Variants in CDH1 observed in about 807,000 individuals in gnomAD.
The protein encoded by CDH1 is cadherin 1.
A neutral mutation model predicts 84.5 loss-of-function variants in CDH1; 35 were observed. The ratio of observed to expected loss-of-function variants is 0.41; its 90% CI spans 0.32 to 0.55. The LOEUF is 0.55. Ranked by LOEUF, CDH1 falls within the 20% of genes least tolerant of loss-of-function variation. The probability of loss-of-function intolerance (pLI) is 0.19; values close to 1 mark genes in which losing one functional copy is unlikely to be tolerated. For synonymous variants in CDH1, 417 were observed against 439.0 expected, an observed-to-expected ratio of 0.95 and a Z score of 0.63; for missense variants, 994 against 1,126.6, an observed-to-expected ratio of 0.88 and a Z score of 1.68.
At chr16:68,772,807 G>T (rs553635901) in intron 2 of CDH1, among the ~76,000 whole-genome samples, 6 of 152,130 alleles carry the variant, frequency 3.9e-5, no homozygotes, top group African/African-American at 1.2e-4. Flanking sequence ...TTACCTGGGG[G>T]TCCCAGCTAC....
intron 9 of CDH1, among the ~76,000 whole-genome samples, chr16:68,814,992 A>G (rs1233983206): frequency 1.3e-5 from 2 of 151,638 alleles, no homozygotes; most frequent in Admixed American, 6.6e-5. Flanking sequence ...TTGGGAGGCC[A>G]AGGCGGGTGG....
chr16:68,794,470 A>G (rs1303529335), intron 2 of CDH1, among the ~76,000 whole-genome samples: 1 of 152,132 alleles, frequency 6.6e-6, no homozygotes, highest in Non-Finnish European at 1.5e-5. Flanking sequence ...CTGGAGGCCT[A>G]ATTGTTCTTT....
At chr16:68,802,470 TTCTC>T (rs988972205) in intron 3 of CDH1, among the ~76,000 whole-genome samples, 1 of 151,844 alleles carries the variant, frequency 6.6e-6, no homozygotes, top group Admixed American at 6.6e-5. Context: ...AGCTGGATTC[TTCTC>T]TCTCTCTCTC....
intron 2 of CDH1, among the ~76,000 whole-genome samples, chr16:68,796,791 T>C (rs1960373931): frequency 6.6e-6 from 1 of 152,166 alleles, no homozygotes; most frequent in Non-Finnish European, 1.5e-5. Flanking sequence ...ATTCTAATTG[T>C]AACAGGCCAA....
intron 2 of CDH1, among the ~76,000 whole-genome samples, chr16:68,785,917 A>G (rs1597873690): frequency 6.6e-6 from 1 of 152,218 alleles, no homozygotes; most frequent in Non-Finnish European, 1.5e-5. Flanking sequence ...CCAGTTTCAC[A>G]TCGGAAAATG....
In CDH1 at chr16:68,808,204, C is replaced by T. The variant is rs78832677; in HGVS notation, c.388-220C>T. Among the ~76,000 whole-genome samples, 717 of 152,276 alleles carry T rather than the reference C, an allele frequency of 4.7e-3. 5 individuals are homozygous for T. Among genetic ancestry groups the T allele is most frequent in the African/African-American group, 0.016 (649 of 41,560 alleles). ...CACTAAGAAGGATAAAAAGAGAATG[C>T]AGTCTTTACGATATAGCAAAGGGTC... On this transcript the variant is annotated intron_variant, in intron 3 of 15. Coordinates refer to ENST00000261769, the MANE Select transcript of CDH1 (RefSeq NM_004360.5).
intron 13 of CDH1, among the ~76,000 whole-genome samples, chr16:68,827,805 G>C (rs1961360644): frequency 6.6e-6 from 1 of 152,024 alleles, no homozygotes; most frequent in Non-Finnish European, 1.5e-5. Context: ...AGCCATGCTG[G>C]CCTCCTCACC....
At chr16:68,746,910 T>C (rs1962759877) in intron 2 of CDH1, among the ~76,000 whole-genome samples, 1 of 151,252 alleles carries the variant, frequency 6.6e-6, no homozygotes, top group African/African-American at 2.4e-5. Context: ...GATTGTGCCA[T>C]TGCACTCTAG....
At position 68,737,399 on chromosome 16, in the gene CDH1, G is replaced by T; in HGVS notation, c.-17G>T. 1.3e-6 allele frequency: 2 copies of T among 1,530,042 alleles called. No homozygotes were observed. Among genetic ancestry groups the T allele is most frequent in the Non-Finnish European group, 1.7e-6 (2 of 1,144,624 alleles). 94.8% of individuals were successfully genotyped at this position (1,530,042 alleles called of 1,614,324 possible). A position where few individuals can be genotyped will look rare whatever the true frequency, so the allele number is the denominator to read the frequency against. On this transcript the variant is annotated 5_prime_UTR_variant, in exon 1 of 16. Transcript: ENST00000261769. ...CCGCACCCGGCGCCTGCCCTCGCTC[G>T]GCGTCCCCGGCCAGCCATGGGCCCT...
At chr16:68,788,738 C>T (rs1597875847) in intron 2 of CDH1, among the ~76,000 whole-genome samples, 1 of 152,086 alleles carries the variant, frequency 6.6e-6, no homozygotes, top group Non-Finnish European at 1.5e-5. Context: ...GTGGCTCACG[C>T]CTGTAATCTC....
At chr16:68,741,494 T>C (rs904607097) in intron 2 of CDH1, among the ~76,000 whole-genome samples, 9 of 152,158 alleles carry the variant, frequency 5.9e-5, no homozygotes, top group African/African-American at 1.9e-4. Context: ...AACCTGTCAC[T>C]TTTTGTGCAC....
intron 10 of CDH1, among the ~76,000 whole-genome samples, chr16:68,818,036 C>T (rs984529960): frequency 1.3e-5 from 2 of 151,766 alleles, no homozygotes; most frequent in African/African-American, 4.8e-5. Context: ...GTCAGGAGAT[C>T]GAGACTATCC....
intron 15 of CDH1, among the ~76,000 whole-genome samples, chr16:68,831,309 C>T (rs1336403802): frequency 2.0e-5 from 3 of 149,430 alleles, no homozygotes; most frequent in Non-Finnish European, 4.4e-5. Flanking sequence ...CAGATGGTCT[C>T]GATCTCCTGA....
At chr16:68,801,012 A>G (rs1038625440) in intron 2 of CDH1, among the ~76,000 whole-genome samples, 4 of 152,170 alleles carry the variant, frequency 2.6e-5, no homozygotes, top group African/African-American at 9.7e-5. Context: ...ATGGTTACCT[A>G]TTTGAATGAG....
At chr16:68,800,772 A>AC (rs1169760890) in intron 2 of CDH1, among the ~76,000 whole-genome samples, 1 of 152,194 alleles carries the variant, frequency 6.6e-6, no homozygotes, top group East Asian at 1.9e-4. Context: ...GCCTGCCCTC[A>AC]CCATGCAATA....
chr16:68,833,972 TTTA>T lies in CDH1; in HGVS notation c.*474_*476del. On this transcript the variant is annotated 3_prime_UTR_variant, in exon 16 of 16. Transcript: ENST00000261769. ...TGTGTCCCTCTGCCTTTTTTTTTTT[TTTA>T]AGACAGGGTCTCATTCTATCGGCCA... is the stretch of plus-strand genomic sequence containing the variant. 1 of 330,568 alleles carries T rather than the reference TTTA, an allele frequency of 3.0e-6. No individual in the cohort carries two copies. The allele number at this position is 330,568 out of a possible 1,614,324, so 20.5% of individuals were successfully genotyped here. A position where few individuals can be genotyped will look rare whatever the true frequency, so the allele number is the denominator to read the frequency against.
At chr16:68,748,462 T>C (rs1332744966) in intron 2 of CDH1, among the ~76,000 whole-genome samples, 2 of 152,234 alleles carry the variant, frequency 1.3e-5, no homozygotes, top group Admixed American at 1.3e-4. Context: ...TGTATATTTA[T>C]GGGGTACGTT....
chr16:68,806,413 G>T (rs1209889034), intron 3 of CDH1, among the ~76,000 whole-genome samples: 1 of 151,628 alleles, frequency 6.6e-6, no homozygotes, highest in Non-Finnish European at 1.5e-5. Flanking sequence ...GCCTCCCAAA[G>T]TGCTGGGATT....
chr16:68,772,499 G>A (rs531205056), intron 2 of CDH1, among the ~76,000 whole-genome samples: 1 of 152,168 alleles, frequency 6.6e-6, no homozygotes, highest in African/African-American at 2.4e-5. Flanking sequence ...AACAGTCACA[G>A]CTGACATCTA....
Sources: allele counts gnomAD v4.1 joint callset (sites outside exome capture counted in the v4.1 genomes callset), GRCh38; gene constraint gnomAD v4.1.1; transcripts MANE v1.5; gene names NCBI Gene and HGNC (gene_info 2026-07-23, HGNC 2026-07-21).